Variants in PDGFD observed in about 807,000 individuals in gnomAD.
The protein encoded by PDGFD is platelet derived growth factor D, also known as platelet-derived growth factor D.
In PDGFD, 30 loss-of-function variants were observed where a neutral mutation model predicts 44.7. That is an observed-to-expected ratio of 0.67 (90% CI 0.50 to 0.91). The LOEUF (loss-of-function observed/expected upper bound fraction) is 0.91. Among genes scored for constraint, PDGFD ranks in the 40% least tolerant of loss-of-function variants. The pLI is 0.00. For missense variants in PDGFD, 445 were observed against 457.8 expected (o/e 0.97, Z 0.25); for synonymous variants, 173 against 168.4 (o/e 1.03, Z -0.21).
chr11:104,039,834 A>G (rs1860318818), intron 1 of PDGFD, among the ~76,000 whole-genome samples: 1 of 152,138 alleles, frequency 6.6e-6, no homozygotes, highest in Non-Finnish European at 1.5e-5. Context: ...AGGTTCATTT[A>G]TGAAAAAAAG....
Position 104,164,047 on chromosome 11 carries a change from G to T in PDGFD, c.-120C>A. ...CGCTCGCCCTGCGCTGGCCCGGGTCGCTGTGCTAATCGCCGAGCTCTCCCC... is the reference window on the plus strand; with the variant it reads ...CGCTCGCCCTGCGCTGGCCCGGGTCTCTGTGCTAATCGCCGAGCTCTCCCC... On this transcript the variant is annotated 5_prime_UTR_variant, in exon 1 of 7. Coordinates refer to ENST00000393158, the MANE Select transcript of PDGFD (RefSeq NM_025208.5). The T allele has an allele frequency of 8.5e-7, 1 of 1,173,012 alleles. No individual in the cohort carries two copies. The highest frequency in any genetic ancestry group is 1.1e-6 in the Non-Finnish European group (1 of 875,354). 72.7% of individuals were successfully genotyped at this position (1,173,012 alleles called of 1,614,324 possible). A position where few individuals can be genotyped will look rare whatever the true frequency, so the allele number is the denominator to read the frequency against.
At chr11:103,916,351 TG>T (rs1858125209) in intron 6 of PDGFD, among the ~76,000 whole-genome samples, 1 of 152,218 alleles carries the variant, frequency 6.6e-6, no homozygotes, top group African/African-American at 2.4e-5. Context: ...TCATCATCAT[TG>T]GTCGTTAGAG....
intron 3 of PDGFD, among the ~76,000 whole-genome samples, chr11:103,987,067 C>CA (rs1262057202): frequency 6.9e-5 from 1 of 14,394 alleles, no homozygotes; most frequent in African/African-American, 3.6e-4. Flanking sequence ...ACTTTCCAAC[C>CA]CCCCCCCACC....
At chr11:104,059,576 A>T (rs1860678733) in intron 1 of PDGFD, among the ~76,000 whole-genome samples, 1 of 152,188 alleles carries the variant, frequency 6.6e-6, no homozygotes, top group African/African-American at 2.4e-5. Flanking sequence ...TAATTTATTG[A>T]CCTTTTCCAA....
chr11:104,138,963 T>C (rs1347360735), intron 1 of PDGFD, among the ~76,000 whole-genome samples: 1 of 152,110 alleles, frequency 6.6e-6, no homozygotes. Context: ...GTTTTGGTCA[T>C]GTTGGCCAAG....
intron 6 of PDGFD, among the ~76,000 whole-genome samples, chr11:103,921,604 TAA>T (rs58116027): frequency 7.8e-5 from 11 of 140,428 alleles, no homozygotes; most frequent in South Asian, 2.3e-4. Context: ...CACTGAAAAG[TAA>T]AAAAAAAAAA....
chr11:104,098,506 T>TC (rs1555052806), intron 1 of PDGFD, among the ~76,000 whole-genome samples: 1 of 37,672 alleles, frequency 2.7e-5, no homozygotes, highest in African/African-American at 8.5e-5. Context: ...CTTCTGTTTC[T>TC]CTTTTTTTTT....
At chr11:103,921,622 A>G (rs1032259360) in intron 6 of PDGFD, among the ~76,000 whole-genome samples, 4 of 151,992 alleles carry the variant, frequency 2.6e-5, no homozygotes, top group Non-Finnish European at 5.9e-5. Flanking sequence ...AAAAAAATCT[A>G]AATCTAACCA....
chr11:104,037,423 T>C, intron 1 of PDGFD: 2 of 1,614,068 alleles, frequency 1.2e-6, no homozygotes, highest in Non-Finnish European at 1.7e-6. Context: ...GCTTCGTCTC[T>C]ACACAGCCGA....
chr11:103,911,691 G>A (rs1209675261), intron 6 of PDGFD, among the ~76,000 whole-genome samples: 1 of 151,984 alleles, frequency 6.6e-6, no homozygotes, highest in Non-Finnish European at 1.5e-5. Context: ...CGAGCTAAAG[G>A]AGCATGTTCT....
intron 3 of PDGFD, among the ~76,000 whole-genome samples, chr11:103,970,989 C>G (rs1256626008): frequency 6.6e-6 from 1 of 152,094 alleles, no homozygotes; most frequent in South Asian, 2.1e-4. Flanking sequence ...AAATCTACCC[C>G]ATTGCTGTGA....
intron 1 of PDGFD, among the ~76,000 whole-genome samples, chr11:104,013,916 T>C (rs992787838): frequency 6.6e-5 from 10 of 151,902 alleles, no homozygotes; most frequent in African/African-American, 2.4e-4. Flanking sequence ...AAAAAATACA[T>C]TTGAGTAAGT....
intron 1 of PDGFD, among the ~76,000 whole-genome samples, chr11:104,111,563 TTG>T (rs1309816718): frequency 4.1e-5 from 6 of 146,946 alleles, no homozygotes; most frequent in African/African-American, 1.6e-4. Flanking sequence ...TGGCCCTGTA[TTG>T]ATTATTTTTC....
At chr11:104,048,737 CA>C (rs1396254458) in intron 1 of PDGFD, among the ~76,000 whole-genome samples, 2 of 152,062 alleles carry the variant, frequency 1.3e-5, no homozygotes, top group African/African-American at 4.8e-5. Flanking sequence ...TTTTCTCATT[CA>C]AAAAATAGAC....
chr11:104,163,018 T>C (rs190236791), intron 1 of PDGFD, among the ~76,000 whole-genome samples: 88 of 152,294 alleles, frequency 5.8e-4, no homozygotes, highest in Non-Finnish European at 7.5e-4. Flanking sequence ...GTGACCCAGG[T>C]GTCCTCTAGA....
intron 1 of PDGFD, among the ~76,000 whole-genome samples, chr11:104,074,048 T>G (rs558387866): frequency 6.6e-6 from 1 of 152,206 alleles, no homozygotes; most frequent in African/African-American, 2.4e-5. Context: ...AAACTTGATA[T>G]AGCAGAGGCA....
At chr11:104,102,724 T>C (rs960355554) in intron 1 of PDGFD, among the ~76,000 whole-genome samples, 1 of 152,304 alleles carries the variant, frequency 6.6e-6, no homozygotes, top group Middle Eastern at 3.4e-3. Context: ...GTGGCACATA[T>C]ACGCCGTGGA....
intron 5 of PDGFD, among the ~76,000 whole-genome samples, chr11:103,940,979 A>G (rs1858574728): frequency 6.6e-6 from 1 of 152,170 alleles, no homozygotes; most frequent in African/African-American, 2.4e-5. Flanking sequence ...TATAAACTTT[A>G]GAAATAGGCT....
chr11:104,107,394 C>T (rs1252615232), intron 1 of PDGFD, among the ~76,000 whole-genome samples: 1 of 152,092 alleles, frequency 6.6e-6, no homozygotes, highest in Non-Finnish European at 1.5e-5. Flanking sequence ...ATCCAACAAA[C>T]AGTGCGCTTA....
Sources: gnomAD v4.1 joint callset for allele counts (sites outside exome capture counted in the v4.1 genomes callset) on GRCh38, gnomAD v4.1.1 for gene constraint, MANE v1.5 for transcripts, NCBI Gene and HGNC (gene_info 2026-07-23, HGNC 2026-07-21) for gene names.